HFM1: variants seen among roughly 807,000 people sequenced by gnomAD.
The protein encoded by HFM1 is helicase for meiosis 1.
A neutral mutation model predicts 192.1 loss-of-function variants in HFM1; 169 were observed. The observed-to-expected ratio is 0.88, with a 90% CI of 0.78 to 1.00. The LOEUF (loss-of-function observed/expected upper bound fraction) is 1.00, where lower values mean the gene tolerates loss of function less well. Ranked by LOEUF, HFM1 falls within the 50% of genes least tolerant of loss-of-function variation. HFM1 has a pLI of 0.00. For synonymous variants in HFM1, 525 were observed against 537.8 expected (o/e 0.98, Z 0.33); for missense variants, 1,661 against 1,668.0 (o/e 1.00, Z 0.07).
upstream of HFM1, among the ~76,000 whole-genome samples, chr1:91,405,054 A>C (rs2102246572): frequency 6.6e-6 from 1 of 152,226 alleles, no homozygotes; most frequent in East Asian, 1.9e-4. Flanking sequence ...CCCTAAGCTA[A>C]CCTGCTTCTC....
intron 4 of HFM1, among the ~76,000 whole-genome samples, chr1:91,387,659 C>T (rs1270781827): frequency 1.3e-5 from 2 of 150,124 alleles, no homozygotes; most frequent in South Asian, 4.2e-4. Flanking sequence ...AGTAAACTAT[C>T]GCAAGAACAA....
chr1:91,313,647 G>C (rs1008282668), intron 29 of HFM1, 152 bp from the exon 30 acceptor site: 8 of 439,592 alleles, frequency 1.8e-5, no homozygotes, highest in Non-Finnish European at 3.1e-5. Context: ...TAAAAAATAT[G>C]ACAACTAAAA....
chr1:91,399,298 A>G (rs148370244), intron 2 of HFM1, among the ~76,000 whole-genome samples: 4 of 152,256 alleles, frequency 2.6e-5, no homozygotes, highest in Non-Finnish European at 5.9e-5. Context: ...ACAGATAGAT[A>G]ATAGAGAGAA....
At chr1:91,326,108 A>G (rs1168754981) in intron 20 of HFM1, among the ~76,000 whole-genome samples, 3 of 152,202 alleles carry the variant, frequency 2.0e-5, no homozygotes, top group Admixed American at 6.5e-5. Context: ...AAGTACACCT[A>G]TAAGATCTGG....
intron 20 of HFM1, among the ~76,000 whole-genome samples, chr1:91,334,963 G>T (rs947550750): frequency 6.6e-6 from 1 of 151,694 alleles, no homozygotes. Flanking sequence ...GATTCGATAA[G>T]TTGTCTAAAA....
chr1:91,365,981 A>C (rs1159477483), intron 13 of HFM1, among the ~76,000 whole-genome samples: 1 of 151,810 alleles, frequency 6.6e-6, no homozygotes, highest in Non-Finnish European at 1.5e-5. Flanking sequence ...AAAAAAAAAA[A>C]AACAGGAATA....
Position 91,378,410 on chromosome 1 carries a change from A to G in HFM1, c.1229T>C (p.Ile410Thr). 4 of 1,598,660 alleles carry G rather than the reference A, an allele frequency of 2.5e-6. No individual in the cohort carries two copies. The highest frequency in any genetic ancestry group is 3.4e-6 in the Non-Finnish European group (4 of 1,168,158). ...SLVQLVRLFLIDEVHIVKDEN... is the reference protein window; with the variant it reads ...SLVQLVRLFLTDEVHIVKDEN... ...AGCGAATGCATTCATTACCTCATCA[A>G]TGAGAAACAGTCGAACCAGCTGAAC... The change falls in exon 10 of 39, where the codon ATT becomes ACT. Residue 410 changes from isoleucine to threonine, a missense_variant. Transcript: ENST00000370425.
intron 30 of HFM1, among the ~76,000 whole-genome samples, chr1:91,301,341 G>A (rs922535110): frequency 3.5e-5 from 5 of 143,318 alleles, no homozygotes; most frequent in African/African-American, 1.3e-4. Flanking sequence ...TCAATATCAT[G>A]AAAATGGCCA....
chr1:91,393,380 C>A (rs1193644382), intron 4 of HFM1, among the ~76,000 whole-genome samples: 1 of 152,136 alleles, frequency 6.6e-6, no homozygotes, highest in Non-Finnish European at 1.5e-5. Flanking sequence ...AACTGAATAT[C>A]TGAACTATTT....
rs35536576 is a variant in HFM1 at position 91,288,366 on chromosome 1, CTTTT to C, written c.3392-11308_3392-11305del. 2.3e-3 allele frequency among the ~76,000 whole-genome samples: 308 copies of C among 134,292 alleles called. 1 individual carries two copies. Among genetic ancestry groups the C allele is most frequent in the Non-Finnish European group, 3.3e-3 (202 of 62,012 alleles). The allele number at this position is 134,292 out of a possible 152,430, so 88.1% of individuals were successfully genotyped here. The stretch of plus-strand genomic sequence containing the variant: ...AGAGTGGGGGCCAATATTCAACATT[CTTTT>C]TTTTTTTTTTTTTTTTTTTTTAGTA... On this transcript the variant is annotated intron_variant, in intron 30 of 38. Coordinates refer to ENST00000370425, the MANE Select transcript of HFM1 (RefSeq NM_001017975.6).
In HFM1 at chr1:91,385,803, T is replaced by G; in HGVS notation, c.526A>C (p.Ser176Arg). Residue 176 changes from serine to arginine, a missense_variant, in exon 5 of 39, where the codon AGT becomes CGT. Transcript: ENST00000370425. ...LFKISDNIHG[S>R]AYSNDNELDS... is the part of the protein sequence containing the mutation. ...AATTCATTGTCATTAGAATAAGCAC[T>G]CCCATGTATATTGTCAGATATTTTA... The G allele has an allele frequency of 6.2e-7, 1 of 1,607,506 alleles. No homozygotes were observed. The highest frequency in any genetic ancestry group is 1.1e-5 in the South Asian group (1 of 90,704).
At chr1:91,288,535 A>G (rs1418747028) in intron 30 of HFM1, among the ~76,000 whole-genome samples, 2 of 151,984 alleles carry the variant, frequency 1.3e-5, no homozygotes, top group African/African-American at 2.4e-5. Flanking sequence ...TGCCTTCCCT[A>G]GTGTTTGTGT....
intron 20 of HFM1, among the ~76,000 whole-genome samples, chr1:91,333,030 A>C (rs934439311): frequency 3.3e-5 from 5 of 152,256 alleles, no homozygotes; most frequent in African/African-American, 1.2e-4. Context: ...ACCACTATGG[A>C]GAATAGTTTG....
chr1:91,352,624 A>T lies in HFM1; in HGVS notation c.1859T>A (p.Val620Glu). ...AACTACTAGGTGAGCAGGCAAATTT[A>T]CTCCCATAGCTAAAGTACTGGTAGT... ...LFTTSTLAMG[V>E]NLPAHLVVIK... Residue 620 changes from valine to glutamate, a missense_variant, in exon 16 of 39, where the codon GTA becomes GAA. Physicochemically the swap from Val to Glu is moderately radical, Grantham distance 121 (BLOSUM62 -2). Coordinates refer to ENST00000370425, the MANE Select transcript of HFM1 (RefSeq NM_001017975.6). 1 of 1,608,306 alleles carries T rather than the reference A, an allele frequency of 6.2e-7. No homozygotes were observed. Among genetic ancestry groups the T allele is most frequent in the Non-Finnish European group, 8.5e-7 (1 of 1,176,936 alleles).
intron 30 of HFM1, among the ~76,000 whole-genome samples, chr1:91,291,003 CGAGA>C (rs1557791038): frequency 1.3e-5 from 2 of 152,000 alleles, no homozygotes; most frequent in Non-Finnish European, 2.9e-5. Flanking sequence ...TTGAAACCAA[CGAGA>C]ACGAAGACAC....
intron 13 of HFM1, among the ~76,000 whole-genome samples, chr1:91,360,327 C>T (rs112919868): frequency 0.096 from 14,646 of 152,000 alleles, 741 homozygotes; most frequent in East Asian, 0.16. Flanking sequence ...GACACACAGG[C>T]TCAAAATAAA....
chr1:91,274,759 A>G lies in HFM1; in HGVS notation c.3639T>C (p.Thr1213=). ...QSVDLKEFGF[T]PKPSLPSISR... is the part of the protein sequence containing the mutation. Reference sequence around the variant, plus strand: ...ATATACTAGGAAGGGAAGGTTTTGGAGTAAAACCAAACTCTTTAAGGTCCA... The same window carrying G: ...ATATACTAGGAAGGGAAGGTTTTGGGGTAAAACCAAACTCTTTAAGGTCCA... Residue 1213 remains threonine (T), a synonymous_variant, in exon 33 of 39, where the codon ACT becomes ACC. Coordinates refer to ENST00000370425, the MANE Select transcript of HFM1 (RefSeq NM_001017975.6). 6.4e-7 allele frequency: 1 copy of G among 1,563,116 alleles called. No homozygotes were observed. The highest frequency in any genetic ancestry group is 8.8e-7 in the Non-Finnish European group (1 of 1,135,708).
intron 30 of HFM1, among the ~76,000 whole-genome samples, chr1:91,277,768 AAT>A (rs34650832): frequency 3.3e-5 from 4 of 119,970 alleles, no homozygotes; most frequent in South Asian, 2.2e-4. Flanking sequence ...AATATATACT[AAT>A]ATATATAATG....
rs776961895 is a variant in HFM1, at chr1:91,396,327, C to T, written c.150G>A (p.Glu50=). ...TATGACTTTCTAATTCTTCCTCTAACTCCTGAGTATCTGGAATTTCTGAAA... is the reference window on the plus strand; with the variant it reads ...TATGACTTTCTAATTCTTCCTCTAATTCCTGAGTATCTGGAATTTCTGAAA... ...PLISEIPDTQ[E]LEEELESHKL... The change falls in exon 3 of 39, where the codon GAG becomes GAA. Residue 50 remains glutamate, a synonymous_variant. Transcript: ENST00000370425. 1.9e-6 allele frequency: 3 copies of T among 1,594,566 alleles called. No individual in the cohort carries two copies. Among genetic ancestry groups the T allele is most frequent in the South Asian group, 1.1e-5 (1 of 89,358 alleles).
Sources: allele counts gnomAD v4.1 joint callset (sites outside exome capture counted in the v4.1 genomes callset), GRCh38; gene constraint gnomAD v4.1.1; transcripts MANE v1.5; gene names NCBI Gene and HGNC (gene_info 2026-07-23, HGNC 2026-07-21).